Variants in NPHP1 observed in about 807,000 individuals in gnomAD.
NPHP1 encodes the protein nephrocystin-1.
NPHP1 carries 70 observed loss-of-function variants against 90.4 expected under a neutral mutation model. The observed-to-expected ratio is 0.77, with a 90% CI of 0.64 to 0.95. The LOEUF is 0.95. Ranked by LOEUF, NPHP1 falls within the 40% of genes least tolerant of loss-of-function variation. The pLI is 0.00. For synonymous variants in NPHP1, 256 were observed against 271.7 expected (o/e 0.94, Z 0.57); for missense variants, 764 against 795.9 (o/e 0.96, Z 0.48).
intron 2 of NPHP1, among the ~76,000 whole-genome samples, chr2:110,190,143 C>T (rs1482229358): frequency 1.3e-5 from 2 of 152,186 alleles, no homozygotes; most frequent in Non-Finnish European, 2.9e-5. Flanking sequence ...CACATCCCCA[C>T]CAGACTCAGG....
intron 18 of NPHP1, chr2:110,126,045 C>A (rs1679339338): frequency 1.0e-5 from 3 of 296,318 alleles, no homozygotes; most frequent in Non-Finnish European, 1.9e-5. Flanking sequence ...AAAACACTGC[C>A]AAATACCAAA....
Position 110,167,762 on chromosome 2 carries a change from G to A in NPHP1, c.624+690C>T, listed in dbSNP as rs529462380. 3.7e-4 allele frequency among the ~76,000 whole-genome samples: 56 copies of A among 152,268 alleles called. No homozygotes were observed. In the South Asian group the frequency reaches 0.011, roughly 29 times the overall value. ...GGCAACGGAAGTGAGCAGCAATCTT[G>A]TGGGACTGAGCCTTTAACCTGTGGG... is the stretch of plus-strand genomic sequence containing the variant. On this transcript the variant is annotated intron_variant, in intron 6 of 19. Transcript: ENST00000445609.
At position 110,156,838 on chromosome 2, in the gene NPHP1, G is replaced by A. The variant is rs974262393; in HGVS notation, c.1083+3289C>T. Among the ~76,000 whole-genome samples, 15 of 150,984 alleles carry A rather than the reference G, an allele frequency of 9.9e-5. No homozygotes were observed. The South Asian group carries it at 2.7e-3, about 27-fold the overall frequency. ...TGTCACCAGGCTGGAGTGCAGTGGC[G>A]CAATCTTGGCTCACTGCAACCTCTG... On this transcript the variant is annotated intron_variant, in intron 11 of 19. Transcript: ENST00000445609.
At chr2:110,163,219 C>T in intron 8 of NPHP1, 84 bp from the exon 9 acceptor site, 2 of 976,840 alleles carry the variant, frequency 2.0e-6, no homozygotes, top group African/African-American at 1.6e-5. Context: ...GTAACTATAA[C>T]CCAAAAAAGA....
rs768137941 is a variant in NPHP1 at position 110,123,942 on chromosome 2, C to T, written c.1883G>A (p.Arg628Gln). The T allele has an allele frequency of 9.3e-6, 15 of 1,613,996 alleles. No individual in the cohort carries two copies. In the Admixed American group the frequency reaches 1.0e-4, roughly 11 times the overall value. The stretch of plus-strand genomic sequence containing the variant: ...AAGGAAGTCAGTGATAACTTTCCAC[C>T]GTGCAGTCTCAGTCTCTTCTTCTGC... ...RWAEEETETARWKVITDFLKQ... is the reference protein window; with the variant it reads ...RWAEEETETAQWKVITDFLKQ... Residue 628 changes from arginine (R) to glutamine (Q), a missense_variant, in exon 20 of 20, where the codon CGG (arginine) becomes CAG (glutamine). By Grantham distance (43) the Arg-to-Gln change is conservative. Transcript: ENST00000445609.
Position 110,201,302 on chromosome 2 carries a change from T to C in NPHP1, c.143+119A>G, listed in dbSNP as rs1280402806. 6.5e-6 allele frequency: 5 copies of C among 768,560 alleles called. No individual in the cohort carries two copies. In the African/African-American group the frequency reaches 8.6e-5, roughly 13 times the overall value. 47.6% of individuals were successfully genotyped at this position (768,560 alleles called of 1,614,324 possible). A position where few individuals can be genotyped will look rare whatever the true frequency, so the allele number is the denominator to read the frequency against. On this transcript the variant is annotated intron_variant, in intron 2 of 19. Coordinates refer to ENST00000445609, the MANE Select transcript of NPHP1 (RefSeq NM_001128178.3). ...TAGGTTGGTTTCTTCTACATTCAACTTACAACACTATGTGATTCTTCCATT... is the reference window on the plus strand; with the variant it reads ...TAGGTTGGTTTCTTCTACATTCAACCTACAACACTATGTGATTCTTCCATT...
chr2:110,160,369 T>G, intron 10 of NPHP1, 114 bp from the exon 11 acceptor site: 1 of 750,210 alleles, frequency 1.3e-6, no homozygotes, highest in South Asian at 1.8e-5. Flanking sequence ...AAGAAAAAAT[T>G]TACACATATA....
At position 110,195,941 on chromosome 2, in the gene NPHP1, G is replaced by A. The variant is rs570602803; in HGVS notation, c.143+5480C>T. Reference sequence around the variant, plus strand: ...TTTAATAAATGGTGCTGGGAAAACCGGCTAGCCATATGTAGAAAGTTGAAA... The same window carrying A: ...TTTAATAAATGGTGCTGGGAAAACCAGCTAGCCATATGTAGAAAGTTGAAA... On this transcript the variant is annotated intron_variant, in intron 2 of 19. Transcript: ENST00000445609. 2.9e-4 allele frequency among the ~76,000 whole-genome samples: 44 copies of A among 152,220 alleles called. 1 individual carries two copies. In the East Asian group the frequency reaches 5.2e-3, roughly 18 times the overall value.
At chr2:110,125,614 C>T (rs1194004387) in intron 19 of NPHP1, 23 bp downstream of exon 19, 2 of 1,602,494 alleles carry the variant, frequency 1.2e-6, no homozygotes, top group Non-Finnish European at 1.7e-6. Flanking sequence ...ATATGGAGTT[C>T]AGTGTGGAGA....
At chr2:110,180,969 G>A (rs1229774902) in intron 2 of NPHP1, among the ~76,000 whole-genome samples, 4 of 152,154 alleles carry the variant, frequency 2.6e-5, no homozygotes, top group Non-Finnish European at 4.4e-5. Flanking sequence ...CAGCAAGGGG[G>A]GATATCCATC....
chr2:110,191,997 C>A (rs551913124), intron 2 of NPHP1, among the ~76,000 whole-genome samples: 97 of 152,210 alleles, frequency 6.4e-4, no homozygotes, highest in Admixed American at 1.1e-3. Context: ...CACACCAAAA[C>A]CCCATCTGTA....
chr2:110,147,865 C>A (rs1328134369), intron 13 of NPHP1, 51 bp downstream of exon 13: 3 of 1,055,536 alleles, frequency 2.8e-6, no homozygotes, highest in Non-Finnish European at 1.5e-6. Flanking sequence ...CATTTTTTAA[C>A]CTTCCCTTTT....
intron 4 of NPHP1, among the ~76,000 whole-genome samples, chr2:110,176,879 G>T (rs1683545683): frequency 2.0e-5 from 3 of 152,156 alleles, no homozygotes; most frequent in Non-Finnish European, 4.4e-5. Flanking sequence ...GGTACTTTCT[G>T]CCAGGCCTTG....
At position 110,131,569 on chromosome 2, in the gene NPHP1, T is replaced by C. The variant is rs1328277464; in HGVS notation, c.1642+110A>G. 4.1e-6 allele frequency: 3 copies of C among 726,594 alleles called. No homozygotes were observed. The African/African-American group carries it at 5.2e-5, about 13-fold the overall frequency. 45.0% of individuals were successfully genotyped at this position (726,594 alleles called of 1,614,324 possible). ...ATTAACATCAATGCTGTTCTAAATA[T>C]TTTATTCCAAAAGTCACAACCAGAA... On this transcript the variant is annotated intron_variant, in intron 17 of 19. Coordinates refer to ENST00000445609, the MANE Select transcript of NPHP1 (RefSeq NM_001128178.3).
rs913490535 is a variant in NPHP1 at position 110,179,637 on chromosome 2, T to G, written c.191A>C (p.Gln64Pro). The part of the protein sequence containing the change: ...QAIDENKNAL[Q>P]KLSKADESAP... ...CTCAATACTTACTTTGCTTAATTTT[T>G]GAAGAGCATTTTTATTTTCATCTAT... The change falls in exon 3 of 20, where the codon CAA becomes CCA. Residue 64 changes from glutamine (Q) to proline (P), a missense_variant. Coordinates refer to ENST00000445609, the MANE Select transcript of NPHP1 (RefSeq NM_001128178.3). 1.5e-6 allele frequency: 2 copies of G among 1,361,974 alleles called. No homozygotes were observed. The highest frequency in any genetic ancestry group is 2.9e-5 in the African/African-American group (2 of 70,134). The allele number at this position is 1,361,974 out of a possible 1,614,324, so 84.4% of individuals were successfully genotyped here.
At position 110,179,628 on chromosome 2, in the gene NPHP1, C is replaced by T. The variant is rs1206786239; in HGVS notation, c.200G>A (p.Ser67Asn). 7.5e-7 allele frequency: 1 copy of T among 1,337,940 alleles called. No homozygotes were observed. Among genetic ancestry groups the T allele is most frequent in the Non-Finnish European group, 1.1e-6 (1 of 933,706 alleles). The allele number at this position is 1,337,940 out of a possible 1,614,324, so 82.9% of individuals were successfully genotyped here. ...GTGATTAACCTCAATACTTACTTTG[C>T]TTAATTTTTGAAGAGCATTTTTATT... ...DENKNALQKL[S>N]KADESAPVAN... The change falls in exon 3 of 20, where the codon AGC becomes AAC. Residue 67 changes from serine (S) to asparagine (N), a missense_variant. Transcript: ENST00000445609.
chr2:110,124,082 C>A lies in NPHP1; in HGVS notation c.1762-19G>T. On this transcript the variant is annotated intron_variant, in intron 19 of 19. Transcript: ENST00000445609. ...TGTCTCTCTGGGAAAACACCACCCCCACAAATAACATTGTTATTTTTAAAG... is the reference window on the plus strand; with the variant it reads ...TGTCTCTCTGGGAAAACACCACCCCAACAAATAACATTGTTATTTTTAAAG... The A allele has an allele frequency of 4.3e-6, 7 of 1,613,524 alleles. No individual in the cohort carries two copies. Among genetic ancestry groups the A allele is most frequent in the Non-Finnish European group, 5.9e-6 (7 of 1,179,436 alleles).
chr2:110,173,913 C>A (rs1014106981), intron 4 of NPHP1, among the ~76,000 whole-genome samples: 4 of 152,074 alleles, frequency 2.6e-5, no homozygotes, highest in Non-Finnish European at 5.9e-5. Flanking sequence ...TAAATGTATA[C>A]TCATTTAGGA....
intron 16 of NPHP1, among the ~76,000 whole-genome samples, chr2:110,136,380 A>G (rs1680201647): frequency 6.6e-6 from 1 of 152,158 alleles, no homozygotes; most frequent in Non-Finnish European, 1.5e-5. Context: ...AGGAAGTCAA[A>G]TTGTCCCTGT....
Sources: allele counts gnomAD v4.1 joint callset (sites outside exome capture counted in the v4.1 genomes callset), GRCh38; gene constraint gnomAD v4.1.1; transcripts MANE v1.5; gene names NCBI Gene and HGNC (gene_info 2026-07-23, HGNC 2026-07-21).